GBF1: variants seen among roughly 807,000 people sequenced by gnomAD.
GBF1 encodes golgi brefeldin A resistant guanine nucleotide exchange factor 1.
In GBF1, 114 loss-of-function variants were observed where a neutral mutation model predicts 210.5. The ratio of observed to expected loss-of-function variants is 0.54; its 90% CI spans 0.47 to 0.63. The LOEUF (loss-of-function observed/expected upper bound fraction) is 0.63, where lower values mean the gene tolerates loss of function less well. Ranked by LOEUF, GBF1 falls within the 30% of genes least tolerant of loss-of-function variation. The probability of loss-of-function intolerance (pLI) is 0.00; values close to 1 mark genes in which losing one functional copy is unlikely to be tolerated. For synonymous variants in GBF1, 850 were observed against 889.2 expected (o/e 0.96, Z 0.78); for missense variants, 1,851 against 2,357.7 (o/e 0.79, Z 4.45).
At chr10:102,311,241 A>G (rs150729599) in intron 3 of GBF1, among the ~76,000 whole-genome samples, 7 of 152,358 alleles carry the variant, frequency 4.6e-5, no homozygotes, top group Non-Finnish European at 1.0e-4. Flanking sequence ...ACATGATTTT[A>G]GCATGATAAC....
intron 3 of GBF1, 58 bp from the exon 4 acceptor site, chr10:102,343,993 T>C: frequency 1.3e-6 from 2 of 1,502,514 alleles, no homozygotes; most frequent in South Asian, 1.1e-5. Flanking sequence ...AGAAACTTTT[T>C]CCAGGGTTTA....
chr10:102,362,363 C>A (rs747279882), intron 14 of GBF1, 112 bp from the exon 15 acceptor site: 2 of 779,610 alleles, frequency 2.6e-6, no homozygotes, highest in East Asian at 5.0e-5. Flanking sequence ...GCCAGAAAGA[C>A]GTTTTCTAAG....
intron 3 of GBF1, among the ~76,000 whole-genome samples, chr10:102,306,683 C>A (rs779318171): frequency 6.6e-5 from 10 of 152,224 alleles, no homozygotes; most frequent in Admixed American, 2.6e-4. Flanking sequence ...CTGGGCCTCC[C>A]AAAGTGCTGG....
chr10:102,231,083 G>C, the GBF1 span: 1 of 1,559,454 alleles, frequency 6.4e-7, no homozygotes. Flanking sequence ...CATTTGGCGC[G>C]CCGGTTCTTG....
At chr10:102,370,107 G>A in intron 26 of GBF1, 67 bp from the exon 27 acceptor site, 1 of 1,501,166 alleles carries the variant, frequency 6.7e-7, no homozygotes, top group East Asian at 2.3e-5. Flanking sequence ...TCTCCCCCTG[G>A]CTCTTGGGGA....
chr10:102,298,194 A>G (rs1357633932), intron 3 of GBF1, among the ~76,000 whole-genome samples: 2 of 152,030 alleles, frequency 1.3e-5, no homozygotes, highest in East Asian at 3.9e-4. Context: ...CAGCCTCCCA[A>G]AGTGCTGAGA....
intron 3 of GBF1, among the ~76,000 whole-genome samples, chr10:102,300,753 G>A (rs1030022306): frequency 3.9e-5 from 6 of 152,122 alleles, no homozygotes; most frequent in African/African-American, 9.7e-5. Context: ...GCAAAGCTCC[G>A]TCGTCATTCA....
At position 102,376,703 on chromosome 10, in the gene GBF1, G is replaced by C. The variant is rs1565184262; in HGVS notation, c.4191G>C (p.Leu1397=). 1 of 1,613,338 alleles carries C rather than the reference G, an allele frequency of 6.2e-7. No individual in the cohort carries two copies. The highest frequency in any genetic ancestry group is 8.5e-7 in the Non-Finnish European group (1 of 1,179,940). ...TKSLLKCVES[L]SFIVRDAAHI... ...CTCTGCTTAAGTGTGTGGAATCGCTGTCCTTCATTGTGCGTGATGCTGCCC... is the reference window on the plus strand; with the variant it reads ...CTCTGCTTAAGTGTGTGGAATCGCTCTCCTTCATTGTGCGTGATGCTGCCC... The change falls in exon 32 of 40, where the codon CTG becomes CTC. Residue 1397 remains leucine (L), a synonymous_variant. Coordinates refer to ENST00000369983, the MANE Select transcript of GBF1 (RefSeq NM_001377137.1).
intron 3 of GBF1, among the ~76,000 whole-genome samples, chr10:102,329,622 C>T (rs1051253488): frequency 6.6e-6 from 1 of 151,164 alleles, no homozygotes; most frequent in African/African-American, 2.4e-5. Context: ...CGCCACCACA[C>T]CCGGCTAATT....
intron 3 of GBF1, among the ~76,000 whole-genome samples, chr10:102,292,936 A>G (rs534142131): frequency 2.8e-4 from 42 of 152,244 alleles, no homozygotes; most frequent in African/African-American, 9.9e-4. Flanking sequence ...TCTGCTTCAA[A>G]CTTGTTATGT....
rs2059916677 is a variant in GBF1 at position 102,366,467 on chromosome 10, C to G, written c.2394C>G (p.Val798=). The stretch of plus-strand genomic sequence containing the variant: ...TCCGTTTGCCTGGGGAAGCACCAGT[C>G]ATCCAGAGGTTGCTGGAGGCATTCA... ...EAFRLPGEAP[V]IQRLLEAFTE... is the part of the protein sequence containing the mutation. The change falls in exon 19 of 40, where the codon GTC becomes GTG. Residue 798 remains valine, a synonymous_variant. Transcript: ENST00000369983. The surrounding 1 kb of genome is among the most constrained non-coding windows in gnomAD (Gnocchi z 4.0). 6.2e-7 allele frequency: 1 copy of G among 1,613,768 alleles called. No individual in the cohort carries two copies. The highest frequency in any genetic ancestry group is 1.7e-5 in the Admixed American group (1 of 59,994).
chr10:102,261,490 C>T (rs965693623), intron 3 of GBF1, among the ~76,000 whole-genome samples: 10 of 151,902 alleles, frequency 6.6e-5, no homozygotes, highest in Admixed American at 4.6e-4. Context: ...ATTAAACAAA[C>T]AATAAGAAAA....
At chr10:102,336,299 C>CAAAAAAAAAAAAAA (rs566414701) in intron 3 of GBF1, among the ~76,000 whole-genome samples, 1 of 49,050 alleles carries the variant, frequency 2.0e-5, no homozygotes, top group Non-Finnish European at 4.4e-5. Context: ...GACTTTGTCT[C>CAAAAAAAAAAAAAA]AAAAAAAAAA....
chr10:102,337,349 G>A lies in GBF1; in HGVS notation c.164-6702G>A, dbSNP rs995175112. On this transcript the variant is annotated intron_variant, in intron 3 of 39. Coordinates refer to ENST00000369983, the MANE Select transcript of GBF1 (RefSeq NM_001377137.1). Reference sequence around the variant, plus strand: ...CTCGCCACTGCACTCCAGCCTGGGCGACAGAGCGAGACTCCGCCTCAAAAA... The same window carrying A: ...CTCGCCACTGCACTCCAGCCTGGGCAACAGAGCGAGACTCCGCCTCAAAAA... Among the ~76,000 whole-genome samples the A allele has an allele frequency of 8.4e-5, 11 of 130,794 alleles. No individual in the cohort carries two copies. The East Asian group carries it at 1.7e-3, about 20-fold the overall frequency. 85.8% of individuals were successfully genotyped at this position (130,794 alleles called of 152,430 possible).
chr10:102,344,112 A>C lies in GBF1; in HGVS notation c.225A>C (p.Glu75Asp). ...LRPFLEVIRS[E>D]DTTGPITGLA... ...CTTTTCTGGAAGTGATTCGCTCTGA[A>C]GATACCACTGGCCCTATCACTGGAC... The change falls in exon 4 of 40, where the codon GAA (glutamate) becomes GAC (aspartate). Residue 75 changes from glutamate (E) to aspartate (D), a missense_variant. Coordinates refer to ENST00000369983, the MANE Select transcript of GBF1 (RefSeq NM_001377137.1). 1 of 1,612,056 alleles carries C rather than the reference A, an allele frequency of 6.2e-7. No individual in the cohort carries two copies. The highest frequency in any genetic ancestry group is 2.2e-5 in the East Asian group (1 of 44,862).
chr10:102,326,000 A>T (rs1369433762), intron 3 of GBF1, among the ~76,000 whole-genome samples: 1 of 152,224 alleles, frequency 6.6e-6, no homozygotes, highest in Non-Finnish European at 1.5e-5. Context: ...GAAATGAAGT[A>T]TAGAGGTCAC....
intron 3 of GBF1, among the ~76,000 whole-genome samples, chr10:102,271,825 C>T (rs1589438008): frequency 6.6e-6 from 1 of 152,068 alleles, no homozygotes. Context: ...GATCTCAGCT[C>T]ACCACAGTCT....
At chr10:102,244,016 G>A (rs546288955), upstream of GBF1, among the ~76,000 whole-genome samples, 10 of 152,286 alleles carry the variant, frequency 6.6e-5, no homozygotes, top group South Asian at 2.1e-3. Context: ...TGTAATCCCA[G>A]CTACTTGGGA....
At chr10:102,320,532 C>T (rs1307957524) in intron 3 of GBF1, among the ~76,000 whole-genome samples, 2 of 152,074 alleles carry the variant, frequency 1.3e-5, no homozygotes, top group Non-Finnish European at 2.9e-5. Context: ...CCCCTGTTTT[C>T]TGTTCCATGT....
Sources: gnomAD v4.1 joint callset for allele counts (sites outside exome capture counted in the v4.1 genomes callset) on GRCh38, gnomAD v4.1.1 for gene constraint, Gnocchi (gnomAD v3.1) non-coding constraint, MANE v1.5 for transcripts, NCBI Gene and HGNC (gene_info 2026-07-23, HGNC 2026-07-21) for gene names.